Variants in ACOXL observed in about 807,000 individuals in gnomAD.
ACOXL encodes acyl-CoA oxidase like.
A neutral mutation model predicts 71.9 loss-of-function variants in ACOXL; 70 were observed. The ratio of observed to expected loss-of-function variants is 0.97; its 90% CI spans 0.80 to 1.19. The LOEUF is 1.19. ACOXL is among the 50% of genes most tolerant of loss of function. The pLI, the probability that ACOXL is intolerant of heterozygous loss-of-function variation, is 0.00. For missense variants in ACOXL, 703 were observed against 736.3 expected (o/e 0.95, Z 0.52); for synonymous variants, 253 against 281.6 (o/e 0.90, Z 1.02).
At chr2:111,056,788 C>CACAA (rs2066563154) in intron 16 of ACOXL, among the ~76,000 whole-genome samples, 1 of 102,322 alleles carries the variant, frequency 9.8e-6, no homozygotes. Flanking sequence ...ACTCTGTCTC[C>CACAA]AAAAAAAAAA....
At chr2:110,977,838 T>G (rs1028175008) in intron 12 of ACOXL, among the ~76,000 whole-genome samples, 8 of 152,300 alleles carry the variant, frequency 5.3e-5, no homozygotes, top group African/African-American at 1.9e-4. Flanking sequence ...TGTCTTAATT[T>G]TGATGATCAT....
At chr2:110,921,284 A>G (rs912914943) in intron 11 of ACOXL, among the ~76,000 whole-genome samples, 7 of 147,970 alleles carry the variant, frequency 4.7e-5, no homozygotes, top group African/African-American at 1.7e-4. Context: ...TCTATTTTTA[A>G]TTTAAATTTC....
At chr2:110,771,201 G>T (rs1010649753) in intron 2 of ACOXL, among the ~76,000 whole-genome samples, 1 of 152,162 alleles carries the variant, frequency 6.6e-6, no homozygotes, top group Non-Finnish European at 1.5e-5. Flanking sequence ...GGCTCATCTC[G>T]CTGGGCGGAT....
chr2:111,039,968 G>A (rs2065698018), intron 15 of ACOXL, among the ~76,000 whole-genome samples: 1 of 152,202 alleles, frequency 6.6e-6, no homozygotes, highest in Non-Finnish European at 1.5e-5. Context: ...TGGTGCAGTG[G>A]ATATCAGAGT....
intron 10 of ACOXL, among the ~76,000 whole-genome samples, chr2:110,872,923 C>T (rs1298524378): frequency 4.6e-5 from 7 of 152,162 alleles, no homozygotes; most frequent in African/African-American, 9.7e-5. Context: ...TGACACCTCA[C>T]GGGGCTGCGG....
At chr2:110,750,626 A>G (rs1416905118) in intron 1 of ACOXL, among the ~76,000 whole-genome samples, 1 of 148,982 alleles carries the variant, frequency 6.7e-6, no homozygotes, top group African/African-American at 2.4e-5. Context: ...ACATATACAT[A>G]TTATATATAA....
chr2:110,931,628 T>C (rs1468828092), intron 11 of ACOXL, among the ~76,000 whole-genome samples: 2 of 152,176 alleles, frequency 1.3e-5, no homozygotes, highest in Non-Finnish European at 2.9e-5. Flanking sequence ...GACTGAGGTA[T>C]GTTTACTTCA....
rs371586833 is a variant in ACOXL at position 110,932,349 on chromosome 2, A to G, written c.906-1140A>G. Among the ~76,000 whole-genome samples the G allele has an allele frequency of 5.9e-5, 9 of 152,338 alleles. No homozygotes were observed. The South Asian group carries it at 1.5e-3, about 25-fold the overall frequency. On this transcript the variant is annotated intron_variant, in intron 11 of 17. Transcript: ENST00000439055. ...TTCTCATGGGTGTGTACGGTTGTCAAAACTCTTCAAGTGGTGCACTTTGAA... is the reference window on the plus strand; with the variant it reads ...TTCTCATGGGTGTGTACGGTTGTCAGAACTCTTCAAGTGGTGCACTTTGAA...
intron 1 of ACOXL, among the ~76,000 whole-genome samples, chr2:110,734,299 T>C (rs538617609): frequency 6.6e-6 from 1 of 151,968 alleles, no homozygotes; most frequent in Non-Finnish European, 1.5e-5. Context: ...AGACGGAGTC[T>C]GACTCTGTTG....
chr2:111,102,047 T>A (rs2069199013), intron 17 of ACOXL: 1 of 152,682 alleles, frequency 6.5e-6, no homozygotes, highest in African/African-American at 2.4e-5. Flanking sequence ...GTGTCTCCTG[T>A]TCCACCTTCT....
chr2:111,087,783 A>G (rs1449220368), intron 16 of ACOXL, among the ~76,000 whole-genome samples: 1 of 152,230 alleles, frequency 6.6e-6, no homozygotes, highest in African/African-American at 2.4e-5. Context: ...AAACAGAAGC[A>G]AAAATTAACA....
chr2:111,094,163 A>G (rs917567089), intron 17 of ACOXL: 6 of 152,228 alleles, frequency 3.9e-5, no homozygotes, highest in Non-Finnish European at 8.8e-5. Flanking sequence ...TTACCTGTCT[A>G]ATGGAAAACC....
intron 14 of ACOXL, among the ~76,000 whole-genome samples, chr2:111,003,316 A>G (rs1326082851): frequency 2.0e-5 from 3 of 152,016 alleles, no homozygotes; most frequent in African/African-American, 4.8e-5. Flanking sequence ...TTGGGAGGCC[A>G]AGGCGGGTGG....
At chr2:110,766,552 C>T (rs183834138) in intron 1 of ACOXL, among the ~76,000 whole-genome samples, 1 of 152,270 alleles carries the variant, frequency 6.6e-6, no homozygotes, top group East Asian at 1.9e-4. Flanking sequence ...TTTGTTGTCA[C>T]CGGTATGGGA....
At chr2:110,825,276 T>C (rs915761473) in intron 9 of ACOXL, among the ~76,000 whole-genome samples, 3 of 152,192 alleles carry the variant, frequency 2.0e-5, no homozygotes, top group African/African-American at 7.2e-5. Flanking sequence ...TAGCCACTTA[T>C]ACTGAACTAG....
At chr2:110,973,869 C>G (rs2062326557) in intron 12 of ACOXL, among the ~76,000 whole-genome samples, 1 of 152,222 alleles carries the variant, frequency 6.6e-6, no homozygotes, top group East Asian at 1.9e-4. Context: ...GAAAACTTAA[C>G]AGCCTGGCCA....
chr2:110,976,824 A>C (rs1574353991), intron 12 of ACOXL, among the ~76,000 whole-genome samples: 2 of 152,212 alleles, frequency 1.3e-5, no homozygotes, highest in Non-Finnish European at 2.9e-5. Context: ...AAGAGAAAGA[A>C]TAGTCCATTA....
At chr2:111,041,209 G>A (rs1055341736) in intron 15 of ACOXL, among the ~76,000 whole-genome samples, 15 of 152,162 alleles carry the variant, frequency 9.9e-5, no homozygotes, top group African/African-American at 3.1e-4. Flanking sequence ...AGACAGGCGC[G>A]TGGCAGAGAG....
At chr2:110,838,821 T>C (rs1309254223) in intron 9 of ACOXL, among the ~76,000 whole-genome samples, 1 of 152,172 alleles carries the variant, frequency 6.6e-6, no homozygotes, top group Non-Finnish European at 1.5e-5. Flanking sequence ...TGGAAGTGGG[T>C]TCCCACATAG....
Sources: allele counts gnomAD v4.1 joint callset (sites outside exome capture counted in the v4.1 genomes callset), GRCh38; gene constraint gnomAD v4.1.1; transcripts MANE v1.5; gene names NCBI Gene and HGNC (gene_info 2026-07-23, HGNC 2026-07-21).